PAM: variants seen among roughly 807,000 people sequenced by gnomAD.
The protein encoded by PAM is peptidylglycine alpha-amidating monooxygenase.
A neutral mutation model predicts 122.1 loss-of-function variants in PAM; 72 were observed. The observed-to-expected ratio is 0.59, with a 90% CI of 0.49 to 0.72. The LOEUF is 0.72. Ranked by LOEUF, PAM falls within the 30% of genes least tolerant of loss-of-function variation. The probability of loss-of-function intolerance (pLI) is 0.00; values close to 1 mark genes in which losing one functional copy is unlikely to be tolerated. For missense variants in PAM, 1,106 were observed against 1,183.7 expected, an observed-to-expected ratio of 0.93 and a Z score of 0.96; for synonymous variants, 389 against 404.4, an observed-to-expected ratio of 0.96 and a Z score of 0.46.
At position 102,775,209 on chromosome 5, in the gene PAM, A is replaced by T. The variant is rs556905207; in HGVS notation, c.-374+19861A>T. The stretch of plus-strand genomic sequence containing the variant: ...GGTTAAATGGAATATGGCCTAAAAA[A>T]TTTTTTTTAAAGCAAGGTTGTCAAT... On this transcript the variant is annotated intron_variant, in intron 1 of 25. Coordinates refer to ENST00000438793, the MANE Select transcript of PAM (RefSeq NM_001177306.2). Among the ~76,000 whole-genome samples the T allele has an allele frequency of 5.3e-5, 8 of 152,048 alleles. No individual in the cohort carries two copies. The East Asian group carries it at 5.8e-4, about 11-fold the overall frequency.
intron 1 of PAM, among the ~76,000 whole-genome samples, chr5:102,799,325 A>G (rs1018040070): frequency 3.3e-5 from 5 of 152,186 alleles, no homozygotes; most frequent in African/African-American, 1.2e-4. Context: ...ATGATTGTAC[A>G]AGACATTCCA....
At chr5:102,963,431 A>G (rs1237871338) in intron 14 of PAM, among the ~76,000 whole-genome samples, 1 of 152,046 alleles carries the variant, frequency 6.6e-6, no homozygotes, top group Non-Finnish European at 1.5e-5. Context: ...AATTATTCAA[A>G]TAAATTATGC....
chr5:102,854,658 A>G (rs1251421194), intron 1 of PAM, among the ~76,000 whole-genome samples: 1 of 151,248 alleles, frequency 6.6e-6, no homozygotes, highest in Non-Finnish European at 1.5e-5. Flanking sequence ...GAAACCTTGT[A>G]AAAATTATTA....
intron 7 of PAM, among the ~76,000 whole-genome samples, chr5:102,940,131 CACACACACACACACACACAT>C (rs1754637265): frequency 6.6e-6 from 1 of 150,562 alleles, no homozygotes; most frequent in African/African-American, 2.5e-5. Context: ...CACACACACA[CACACACACACACACACACAT>C]ACACACACAC....
intron 25 of PAM, 44 bp downstream of exon 25, chr5:103,028,282 T>C: frequency 7.5e-7 from 1 of 1,327,140 alleles, no homozygotes; most frequent in Non-Finnish European, 1.1e-6. Context: ...TGGTTCAAAG[T>C]CAACAAGCAC....
At chr5:102,798,520 C>A (rs372341371) in intron 1 of PAM, among the ~76,000 whole-genome samples, 1 of 152,118 alleles carries the variant, frequency 6.6e-6, no homozygotes, top group African/African-American at 2.4e-5. Context: ...AAAATTCTCC[C>A]GCATCAAAGT....
intron 15 of PAM, among the ~76,000 whole-genome samples, chr5:102,983,915 A>G (rs1192272442): frequency 6.6e-6 from 1 of 152,226 alleles, no homozygotes; most frequent in Non-Finnish European, 1.5e-5. Context: ...AAAACAATTC[A>G]TCCAAGAATA....
intron 21 of PAM, among the ~76,000 whole-genome samples, chr5:103,011,139 G>A (rs1780487294): frequency 6.6e-6 from 1 of 152,072 alleles, no homozygotes; most frequent in Admixed American, 6.6e-5. Flanking sequence ...GCATAACTCT[G>A]TTAGCTTCTA....
Position 102,931,805 on chromosome 5 carries a change from A to ACT in PAM, c.526+5138_526+5139insTC, listed in dbSNP as rs879417466. The stretch of plus-strand genomic sequence containing the variant: ...GCAGATATTATTAACAACAAACAAC[A>ACT]CACTCTCTCTCTCTCTCTCTCTCTC... On this transcript the variant is annotated intron_variant, in intron 7 of 25. Coordinates refer to ENST00000438793, the MANE Select transcript of PAM (RefSeq NM_001177306.2). Among the ~76,000 whole-genome samples, 1,304 of 140,350 alleles carry ACT rather than the reference A, an allele frequency of 9.3e-3. 10 individuals carry two copies. Among genetic ancestry groups the ACT allele is most frequent in the South Asian group, 0.021 (95 of 4,486 alleles). 92.1% of individuals were successfully genotyped at this position (140,350 alleles called of 152,430 possible).
At chr5:102,827,536 TCTTA>T (rs1296175745) in intron 1 of PAM, among the ~76,000 whole-genome samples, 4 of 152,342 alleles carry the variant, frequency 2.6e-5, no homozygotes, top group African/African-American at 9.6e-5. Flanking sequence ...GTTAAAATAT[TCTTA>T]CTTTAAGAAA....
chr5:102,788,968 C>T (rs531866194), intron 1 of PAM, among the ~76,000 whole-genome samples: 15 of 152,012 alleles, frequency 9.9e-5, no homozygotes, highest in Non-Finnish European at 2.2e-4. Context: ...CACTAACGGT[C>T]AGAGGCTAGG....
At chr5:102,996,513 C>A (rs1039188156) in intron 16 of PAM, among the ~76,000 whole-genome samples, 1 of 152,092 alleles carries the variant, frequency 6.6e-6, no homozygotes, top group African/African-American at 2.4e-5. Context: ...ACTTACTTAG[C>A]AAGTTTAACA....
chr5:102,971,512 A>C (rs1765820284), intron 14 of PAM, among the ~76,000 whole-genome samples: 1 of 152,156 alleles, frequency 6.6e-6, no homozygotes, highest in African/African-American at 2.4e-5. Flanking sequence ...CCTGAGTTGA[A>C]TTGTCAAGAA....
intron 1 of PAM, among the ~76,000 whole-genome samples, chr5:102,812,747 G>T (rs1214286145): frequency 6.6e-6 from 1 of 152,008 alleles, no homozygotes. Flanking sequence ...TTAAAGGAGA[G>T]ATATTATTTA....
chr5:102,776,831 C>T (rs963223030), intron 1 of PAM, among the ~76,000 whole-genome samples: 1 of 151,966 alleles, frequency 6.6e-6, no homozygotes, highest in African/African-American at 2.4e-5. Context: ...TTATAGTTCT[C>T]AGAAAAATTT....
rs1186301114 is a variant in PAM at position 103,007,015 on chromosome 5, C to T, written c.2014+4C>T. The T allele has an allele frequency of 6.3e-7, 1 of 1,586,544 alleles. No homozygotes were observed. Among genetic ancestry groups the T allele is most frequent in the East Asian group, 2.2e-5 (1 of 44,706 alleles). On this transcript the variant is annotated splice_donor_region_variant and intron_variant, in intron 19 of 25. Coordinates refer to ENST00000438793, the MANE Select transcript of PAM (RefSeq NM_001177306.2). ...TTCATCACACAGTGGGGAGAAGGTA[C>T]CCAATAAGACTCTTAATCTCCAGTT... is the stretch of plus-strand genomic sequence containing the variant.
At chr5:102,977,096 T>C (rs1485911865) in intron 15 of PAM, among the ~76,000 whole-genome samples, 1 of 152,202 alleles carries the variant, frequency 6.6e-6, no homozygotes, top group Non-Finnish European at 1.5e-5. Flanking sequence ...TGTAATATGA[T>C]GATGAAGCCC....
chr5:102,943,724 C>T (rs1299683787), intron 7 of PAM, among the ~76,000 whole-genome samples: 1 of 152,174 alleles, frequency 6.6e-6, no homozygotes, highest in Non-Finnish European at 1.5e-5. Flanking sequence ...AACTTACACT[C>T]TCTGAGTAAA....
intron 14 of PAM, among the ~76,000 whole-genome samples, chr5:102,970,965 C>A (rs1382150062): frequency 6.6e-6 from 1 of 152,052 alleles, no homozygotes; most frequent in Non-Finnish European, 1.5e-5. Flanking sequence ...CACCACCACA[C>A]CTGGCTAATT....
Sources: gnomAD v4.1 joint callset for allele counts (sites outside exome capture counted in the v4.1 genomes callset) on GRCh38, gnomAD v4.1.1 for gene constraint, MANE v1.5 for transcripts, NCBI Gene and HGNC (gene_info 2026-07-23, HGNC 2026-07-21) for gene names.